Variants in CFAP97D2 observed in about 807,000 individuals in gnomAD.
CFAP97D2 encodes the protein CFAP97 domain containing 2.
intron 4 of CFAP97D2, among the ~76,000 whole-genome samples, chr13:114,219,096 C>T (rs1027981861): frequency 6.6e-5 from 10 of 152,154 alleles, no homozygotes; most frequent in African/African-American, 1.9e-4. Flanking sequence ...AGGCAACCTA[C>T]GGAATGGGAG....
At chr13:114,188,706 GGA>G (rs950996044) in intron 1 of CFAP97D2, among the ~76,000 whole-genome samples, 8 of 151,038 alleles carry the variant, frequency 5.3e-5, no homozygotes, top group African/African-American at 1.9e-4. Flanking sequence ...GAACCCCGGA[GGA>G]GGAGCTTGCA....
At chr13:114,202,470 C>T (rs1303383395) in intron 3 of CFAP97D2, among the ~76,000 whole-genome samples, 1 of 152,098 alleles carries the variant, frequency 6.6e-6, no homozygotes, top group Admixed American at 6.5e-5. Flanking sequence ...AACATATATT[C>T]AAGAAAAGCT....
rs1302513977 is a variant in CFAP97D2, at chr13:114,211,454, A to G, written c.291-458A>G. The stretch of plus-strand genomic sequence containing the variant: ...GCACTGCTAGACCCTCCAAAATCCA[A>G]CCCCTGCCAACCTCCCTCACCTCTC... On this transcript the variant is annotated intron_variant, in intron 3 of 4. Coordinates refer to ENST00000646158, the Ensembl canonical transcript of CFAP97D2. The surrounding 1 kb of genome is among the most constrained non-coding windows in gnomAD (Gnocchi z 4.2). Among the ~76,000 whole-genome samples the G allele has an allele frequency of 1.3e-5, 2 of 151,016 alleles. No individual in the cohort carries two copies. The highest frequency in any genetic ancestry group is 1.5e-5 in the Non-Finnish European group (1 of 67,728).
intron 3 of CFAP97D2, among the ~76,000 whole-genome samples, chr13:114,208,780 T>C (rs1417718267): frequency 2.0e-5 from 3 of 152,228 alleles, no homozygotes; most frequent in Non-Finnish European, 4.4e-5. Flanking sequence ...AGCCCATGTC[T>C]CTAGGATTTG....
chr13:114,186,074 C>G lies in CFAP97D2; in HGVS notation c.90+6654C>G, dbSNP rs1380125163. On this transcript the variant is annotated intron_variant, in intron 1 of 4. Coordinates refer to ENST00000646158, the Ensembl canonical transcript of CFAP97D2. The surrounding 1 kb of genome is among the most constrained non-coding windows in gnomAD (Gnocchi z 4.3). ...CATGCACTTCCTCCACACTGAGGCCCATAAAAACCCTGGACTCAGCCAGAC... is the reference window on the plus strand; with the variant it reads ...CATGCACTTCCTCCACACTGAGGCCGATAAAAACCCTGGACTCAGCCAGAC... Among the ~76,000 whole-genome samples, 1 of 152,166 alleles carries G rather than the reference C, an allele frequency of 6.6e-6. No individual in the cohort carries two copies. The highest frequency in any genetic ancestry group is 1.5e-5 in the Non-Finnish European group (1 of 68,020).
chr13:114,196,352 T>C, intron 1 of CFAP97D2, 44 bp from the exon 2 acceptor site: 1 of 399,474 alleles, frequency 2.5e-6, no homozygotes. Flanking sequence ...GCTCACTCTG[T>C]TTCCAATACT....
At chr13:114,209,906 A>T (rs1399858468) in intron 3 of CFAP97D2, among the ~76,000 whole-genome samples, 1 of 152,222 alleles carries the variant, frequency 6.6e-6, no homozygotes, top group Non-Finnish European at 1.5e-5. Context: ...CAATCAAATG[A>T]GGTCACCAGT....
intron 3 of CFAP97D2, among the ~76,000 whole-genome samples, chr13:114,206,637 T>C (rs2080941658): frequency 6.6e-6 from 1 of 152,096 alleles, no homozygotes; most frequent in Admixed American, 6.5e-5. Context: ...AGAAAGTAGA[T>C]CAGTGGTTGC....
rs924352232 is a variant in CFAP97D2 at position 114,185,584 on chromosome 13, C to T, written c.90+6164C>T. ...TGCACTCTCAGGAGCCCAGGAAGGC[C>T]CCCTGTCTCCCCGCAGGCTCAGAAG... On this transcript the variant is annotated intron_variant, in intron 1 of 4. Coordinates refer to ENST00000646158, the Ensembl canonical transcript of CFAP97D2. This position sits in a 1 kb window ranked among gnomAD's most constrained non-coding sequence, Gnocchi z 5.2. Among the ~76,000 whole-genome samples the T allele has an allele frequency of 8.5e-5, 13 of 152,202 alleles. No homozygotes were observed. The highest frequency in any genetic ancestry group is 1.6e-4 in the Non-Finnish European group (11 of 68,030).
At chr13:114,208,639 C>T (rs1376613625) in intron 3 of CFAP97D2, among the ~76,000 whole-genome samples, 1 of 152,046 alleles carries the variant, frequency 6.6e-6, no homozygotes, top group Non-Finnish European at 1.5e-5. Flanking sequence ...TTGTTGCCTC[C>T]AATTATAATG....
At chr13:114,180,999 A>G (rs2080830046) in intron 1 of CFAP97D2, among the ~76,000 whole-genome samples, 1 of 152,242 alleles carries the variant, frequency 6.6e-6, no homozygotes, top group Non-Finnish European at 1.5e-5. Flanking sequence ...AAGCTAGTTT[A>G]GCAGCTCTGT....
rs2080945602 is a variant in CFAP97D2, at chr13:114,207,345, G to A, written c.291-4567G>A. On this transcript the variant is annotated intron_variant, in intron 3 of 4. Coordinates refer to ENST00000646158, the Ensembl canonical transcript of CFAP97D2. The surrounding 1 kb of genome is among the most constrained non-coding windows in gnomAD (Gnocchi z 4.9). Reference sequence around the variant, plus strand: ...TTCTTGTGAAGCTTGATATTACATTGTAATATAGAATGAAGTAATTATACA... The same window carrying A: ...TTCTTGTGAAGCTTGATATTACATTATAATATAGAATGAAGTAATTATACA... Among the ~76,000 whole-genome samples the A allele has an allele frequency of 6.6e-6, 1 of 152,154 alleles. No individual in the cohort carries two copies. The highest frequency in any genetic ancestry group is 2.1e-4 in the South Asian group (1 of 4,816).
rs530232845 is a variant in CFAP97D2, at chr13:114,195,280, A to G, written c.91-1116A>G. Among the ~76,000 whole-genome samples, 51 of 152,276 alleles carry G rather than the reference A, an allele frequency of 3.3e-4. 2 individuals are homozygous for G. The South Asian group carries it at 4.6e-3, about 14-fold the overall frequency. On this transcript the variant is annotated intron_variant, in intron 1 of 4. Coordinates refer to ENST00000646158, the Ensembl canonical transcript of CFAP97D2. Reference sequence around the variant, plus strand: ...TGTCACTCCTCTGCCTCTATTTTCAATGGTTCCCTTTCCTTTGGGGACCAA... The same window carrying G: ...TGTCACTCCTCTGCCTCTATTTTCAGTGGTTCCCTTTCCTTTGGGGACCAA...
chr13:114,179,351 G>A lies in CFAP97D2; in HGVS notation c.21G>A (p.Leu7=). The A allele has an allele frequency of 2.5e-6, 1 of 398,726 alleles. No homozygotes were observed. The highest frequency in any genetic ancestry group is 4.4e-6 in the Non-Finnish European group (1 of 226,182). The allele number at this position is 398,726 out of a possible 1,614,324, so 24.7% of individuals were successfully genotyped here. ...CTGAGATGCACGGAGCCCCCCGGCT[G>A]ACCTTTCCCTGTGCCAGTGAGTACC... Residue 7 remains leucine (L), a synonymous_variant, in exon 1 of 5, where the codon CTG becomes CTA. Coordinates refer to ENST00000646158, the Ensembl canonical transcript of CFAP97D2. This position sits in a 1 kb window ranked among gnomAD's most constrained non-coding sequence, Gnocchi z 4.8.
intron 4 of CFAP97D2, among the ~76,000 whole-genome samples, chr13:114,212,577 T>C (rs552513944): frequency 1.7e-4 from 26 of 151,752 alleles, no homozygotes; most frequent in Admixed American, 1.5e-3. Context: ...AGGCAGGGCA[T>C]GGTGGCTCAT....
rs142633797 is a variant in CFAP97D2 at position 114,185,864 on chromosome 13, G to A, written c.90+6444G>A. 8.1e-4 allele frequency among the ~76,000 whole-genome samples: 123 copies of A among 152,356 alleles called. No homozygotes were observed. The highest frequency in any genetic ancestry group is 2.7e-3 in the African/African-American group (114 of 41,596). On this transcript the variant is annotated intron_variant, in intron 1 of 4. Coordinates refer to ENST00000646158, the Ensembl canonical transcript of CFAP97D2. The surrounding 1 kb of genome is among the most constrained non-coding windows in gnomAD (Gnocchi z 5.2). ...GCCTCTTGGCATGAACAGCCTGCGT[G>A]CCATGAACAGCAACAGGAGGCAGAC...
chr13:114,202,693 G>A (rs2080923692), intron 3 of CFAP97D2, among the ~76,000 whole-genome samples: 3 of 152,208 alleles, frequency 2.0e-5, no homozygotes, highest in Non-Finnish European at 4.4e-5. Flanking sequence ...CTGTTGCTGA[G>A]ACTAAATCCC....
chr13:114,186,541 G>C lies in CFAP97D2; in HGVS notation c.90+7121G>C, dbSNP rs2080853781. ...TTGTTCACCATGCTGTGGGTGAAGA[G>C]GAGAAAAGAGAGAAGGAGAAAAGAG... is the stretch of plus-strand genomic sequence containing the variant. On this transcript the variant is annotated intron_variant, in intron 1 of 4. Transcript: ENST00000646158. This position sits in a 1 kb window ranked among gnomAD's most constrained non-coding sequence, Gnocchi z 4.3. Among the ~76,000 whole-genome samples the C allele has an allele frequency of 6.6e-6, 1 of 152,236 alleles. No homozygotes were observed. Among genetic ancestry groups the C allele is most frequent in the African/African-American group, 2.4e-5 (1 of 41,464 alleles).
At chr13:114,200,226 C>A (rs948537559) in intron 2 of CFAP97D2, 99 bp from the exon 3 acceptor site, 5 of 389,990 alleles carry the variant, frequency 1.3e-5, no homozygotes, top group Non-Finnish European at 2.2e-5. Context: ...TGAGACGAGG[C>A]AGCGTAAAAC....
Sources: gnomAD v4.1 joint callset for allele counts (sites outside exome capture counted in the v4.1 genomes callset) on GRCh38, gnomAD v4.1.1 for gene constraint, Gnocchi (gnomAD v3.1) non-coding constraint, MANE v1.5 for transcripts, NCBI Gene and HGNC (gene_info 2026-07-23, HGNC 2026-07-21) for gene names.